SLC2A14: variants seen among roughly 807,000 people sequenced by gnomAD.
SLC2A14 encodes solute carrier family 2, facilitated glucose transporter member 14.
SLC2A14 carries 13 observed loss-of-function variants against 43.0 expected under a neutral mutation model. The observed-to-expected ratio is 0.30, with a 90% CI of 0.20 to 0.48. The LOEUF is 0.48. SLC2A14 is among the 20% of genes least tolerant of loss of function. The pLI, the probability that SLC2A14 is intolerant of heterozygous loss-of-function variation, is 0.99. For missense variants in SLC2A14, 428 were observed against 620.4 expected (o/e 0.69, Z 3.29); for synonymous variants, 190 against 233.8 (o/e 0.81, Z 1.71).
chr12:7,853,721 C>T (rs1024929805), intron 2 of SLC2A14, among the ~76,000 whole-genome samples: 1 of 152,124 alleles, frequency 6.6e-6, no homozygotes, highest in Admixed American at 6.6e-5. Context: ...CACGTTAGTC[C>T]TTGGCATCCT....
chr12:7,812,700 C>T lies in SLC2A14; in HGVS notation c.*1616G>A, dbSNP rs759106780. The T allele has an allele frequency of 1.3e-5, 2 of 152,232 alleles. No individual in the cohort carries two copies. The highest frequency in any genetic ancestry group is 2.1e-4 in the South Asian group (1 of 4,820). 9.4% of individuals were successfully genotyped at this position (152,232 alleles called of 1,614,324 possible). ...GCCACCTTTCCAGCTAAACCCCACT[C>T]CATAGCTACGTGCATTTTTATTCAA... On this transcript the variant is annotated 3_prime_UTR_variant, in exon 11 of 11. Coordinates refer to ENST00000431042, the MANE Select transcript of SLC2A14 (RefSeq NM_001286234.2).
chr12:7,821,988 C>G (rs1863955516), intron 7 of SLC2A14, among the ~76,000 whole-genome samples: 1 of 151,926 alleles, frequency 6.6e-6, no homozygotes, highest in South Asian at 2.1e-4. Flanking sequence ...CCAGGCCTGG[C>G]TAATTTTTTG....
chr12:7,829,662 T>C (rs935677991), intron 5 of SLC2A14, 104 bp downstream of exon 5: 39 of 1,476,072 alleles, frequency 2.6e-5, no homozygotes, highest in Non-Finnish European at 3.5e-5. Context: ...AACTTCCATA[T>C]GTAATTGAAC....
intron 7 of SLC2A14, among the ~76,000 whole-genome samples, chr12:7,826,865 C>CTTTCTTTCTT (rs1864435141): frequency 6.5e-5 from 1 of 15,478 alleles, no homozygotes; most frequent in Non-Finnish European, 1.3e-4. Context: ...TTTCTTTTTT[C>CTTTCTTTCTT]TTTCTTTCTT....
chr12:7,826,882 T>C (rs1268316895), intron 7 of SLC2A14, among the ~76,000 whole-genome samples: 1,220 of 50,724 alleles, frequency 0.024, 389 homozygotes, highest in Middle Eastern at 0.05. Context: ...TCTTTCTTTC[T>C]TTCTTTCTTT....
chr12:7,884,189 G>A (rs2121117544), intron 1 of SLC2A14, among the ~76,000 whole-genome samples: 1 of 151,926 alleles, frequency 6.6e-6, no homozygotes, highest in East Asian at 1.9e-4. Flanking sequence ...CAAAGTGCTG[G>A]GATTACAGGC....
rs1944921698 is a variant in SLC2A14 at position 7,866,502 on chromosome 12, C to T, written c.18+3361G>A. Among the ~76,000 whole-genome samples the T allele has an allele frequency of 1.3e-5, 2 of 151,892 alleles. 1 individual carries two copies. Among genetic ancestry groups the T allele is most frequent in the Non-Finnish European group, 2.9e-5 (2 of 67,988 alleles). On this transcript the variant is annotated intron_variant, in intron 2 of 10. Coordinates refer to ENST00000431042, the MANE Select transcript of SLC2A14 (RefSeq NM_001286234.2). Reference sequence around the variant, plus strand: ...GCCTCAGCCTCCCAAGTAGCTGGAACTATAGGCGCCTGCCACCACGCCCAG... The same window carrying T: ...GCCTCAGCCTCCCAAGTAGCTGGAATTATAGGCGCCTGCCACCACGCCCAG...
At chr12:7,848,716 C>G (rs113405607) in intron 2 of SLC2A14, among the ~76,000 whole-genome samples, 1 of 151,936 alleles carries the variant, frequency 6.6e-6, no homozygotes, top group Non-Finnish European at 1.5e-5. Context: ...CCACCATGCC[C>G]GGCTAATTTT....
Position 7,828,823 on chromosome 12 carries a change from G to A in SLC2A14, c.557C>T (p.Pro186Leu), listed in dbSNP as rs202006975. The A allele has an allele frequency of 9.9e-6, 16 of 1,614,102 alleles. No individual in the cohort carries two copies. In the East Asian group the frequency reaches 1.1e-4, roughly 11 times the overall value. The stretch of plus-strand genomic sequence containing the variant: ...AAGGATGGTAAAGCCTAATAGCACC[G>A]GCCATAGCTCTTCAGACCCAAGGAT... ...ELILGSEELW[P>L]VLLGFTILPA... Residue 186 changes from proline (P) to leucine (L), a missense_variant, in exon 6 of 11, where the codon CCG (proline) becomes CTG (leucine). Coordinates refer to ENST00000431042, the MANE Select transcript of SLC2A14 (RefSeq NM_001286234.2).
chr12:7,859,087 T>C (rs549828681), intron 2 of SLC2A14, among the ~76,000 whole-genome samples: 2 of 152,084 alleles, frequency 1.3e-5, no homozygotes, highest in Non-Finnish European at 1.5e-5. Context: ...TTGGCACCCT[T>C]GTCAAAAATC....
chr12:7,871,189 G>A, intron 1 of SLC2A14: 6 of 1,261,164 alleles, frequency 4.8e-6, no homozygotes, highest in Middle Eastern at 2.4e-4. Context: ...CTGCTTCAAC[G>A]AGGAATCCTC....
intron 1 of SLC2A14, among the ~76,000 whole-genome samples, chr12:7,884,022 C>G (rs1292029616): frequency 6.6e-6 from 1 of 151,922 alleles, no homozygotes; most frequent in Non-Finnish European, 1.5e-5. Context: ...TTCCCGGGTT[C>G]ACGCCATTCT....
chr12:7,879,308 T>G, intron 1 of SLC2A14, among the ~76,000 whole-genome samples: 1 of 3,916 alleles, frequency 2.6e-4, no homozygotes, highest in Non-Finnish European at 5.8e-4. Flanking sequence ...ACCTCAACTC[T>G]GCAAAAAAAA....
chr12:7,821,105 A>G (rs1863873738), intron 8 of SLC2A14, 116 bp downstream of exon 8: 1 of 782,454 alleles, frequency 1.3e-6, no homozygotes, highest in African/African-American at 1.8e-5. Context: ...TAAAAAAATA[A>G]AAATAAATAA....
intron 8 of SLC2A14, among the ~76,000 whole-genome samples, chr12:7,820,637 C>CAG (rs1330464200): frequency 6.6e-6 from 1 of 152,156 alleles, no homozygotes; most frequent in Non-Finnish European, 1.5e-5. Context: ...AGAGGAATAA[C>CAG]AGTTTGAAAG....
intron 1 of SLC2A14, chr12:7,871,031 C>G: frequency 7.0e-7 from 1 of 1,429,412 alleles, no homozygotes; most frequent in Non-Finnish European, 9.4e-7. Context: ...GACAAGCTGG[C>G]TTCACCGCGG....
rs1164387269 is a variant in SLC2A14, at chr12:7,829,992, A to T, written c.287T>A (p.Leu96Gln). Residue 96 changes from leucine to glutamine, a missense_variant, in exon 5 of 11, where the codon CTG becomes CAG. Leu to Gln is a moderately radical substitution (Grantham distance 113). This residue lies in a region of SLC2A14 where 122 missense variants were observed against 128.8 expected (regional missense o/e 0.95). Transcript: ENST00000431042. Reference protein sequence around the residue: ...VNRFGRRNSMLIVNLLAATGG... With the variant: ...VNRFGRRNSMQIVNLLAATGG... ...AGTGGCAGCCAACAGGTTGACAATC[A>T]GCATTGAATTGCGCCTGTAAGGTTA... 6.2e-7 allele frequency: 1 copy of T among 1,614,118 alleles called. No homozygotes were observed. The highest frequency in any genetic ancestry group is 8.5e-7 in the Non-Finnish European group (1 of 1,180,044).
chr12:7,884,318 CCTT>C (rs1252918943), intron 1 of SLC2A14, among the ~76,000 whole-genome samples: 6 of 152,128 alleles, frequency 3.9e-5, no homozygotes, highest in Admixed American at 2.0e-4. Flanking sequence ...ACCTCTTGCT[CCTT>C]CTTCCTCCAA....
At chr12:7,873,114 T>C, upstream of SLC2A14, 1 of 985,528 alleles carries the variant, frequency 1.0e-6, no homozygotes. Flanking sequence ...CGGCGGCTGC[T>C]GGGGATCCCT....
Sources: gnomAD v4.1 joint callset for allele counts (sites outside exome capture counted in the v4.1 genomes callset) on GRCh38, gnomAD v4.1.1 for gene constraint, gnomAD v4.1.1 regional missense constraint, MANE v1.5 for transcripts, NCBI Gene and HGNC (gene_info 2026-07-23, HGNC 2026-07-21) for gene names.